The following LPP variants were observed in gnomAD, a reference collection of about 807,000 sequenced individuals.
LPP encodes the protein LIM domain containing preferred translocation partner in lipoma.
Under a neutral mutation model 60.4 loss-of-function variants are expected in LPP, and 38 were observed. The observed-to-expected ratio is 0.63, with a 90% CI of 0.49 to 0.83. LPP has a LOEUF of 0.83. Ranked by LOEUF, LPP falls within the 40% of genes least tolerant of loss-of-function variation. LPP has a pLI of 0.00. For synonymous variants in LPP, 328 were observed against 290.8 expected, an observed-to-expected ratio of 1.13 and a Z score of -1.30; for missense variants, 902 against 783.6, an observed-to-expected ratio of 1.15 and a Z score of -1.80.
At chr3:188,215,171 T>C (rs1713036396) in intron 1 of LPP, among the ~76,000 whole-genome samples, 1 of 152,056 alleles carries the variant, frequency 6.6e-6, no homozygotes, top group African/African-American at 2.4e-5. Flanking sequence ...CTGGGCCTGG[T>C]TGCATGCACC....
intron 9 of LPP, among the ~76,000 whole-genome samples, chr3:188,781,689 C>G (rs1739739997): frequency 6.6e-6 from 1 of 151,610 alleles, no homozygotes; most frequent in Non-Finnish European, 1.5e-5. Flanking sequence ...CGAGATCATC[C>G]TGGCTAACAC....
chr3:188,212,810 G>C (rs910837341), intron 1 of LPP: 1 of 152,444 alleles, frequency 6.6e-6, no homozygotes, highest in African/African-American at 2.4e-5. Context: ...AGGGCCAGCT[G>C]CCTGTGGGGG....
intron 2 of LPP, among the ~76,000 whole-genome samples, chr3:188,315,301 A>G (rs1042892027): frequency 6.6e-6 from 1 of 152,234 alleles, no homozygotes; most frequent in African/African-American, 2.4e-5. Flanking sequence ...CTTTCTGGCT[A>G]AAGCATCAGA....
At chr3:188,477,143 C>A (rs1803449337) in intron 4 of LPP, among the ~76,000 whole-genome samples, 1 of 152,208 alleles carries the variant, frequency 6.6e-6, no homozygotes, top group Non-Finnish European at 1.5e-5. Context: ...ACCACTGTAT[C>A]TTGGAAGTCA....
chr3:188,409,014 T>C (rs1784314278), intron 4 of LPP, among the ~76,000 whole-genome samples: 1 of 152,214 alleles, frequency 6.6e-6, no homozygotes, highest in Non-Finnish European at 1.5e-5. Context: ...ATGTTCCTCA[T>C]AGCTCATATT....
intron 9 of LPP, among the ~76,000 whole-genome samples, chr3:188,851,374 C>T (rs375251140): frequency 1.8e-4 from 27 of 152,274 alleles, no homozygotes; most frequent in African/African-American, 6.5e-4. Flanking sequence ...ATACTACATG[C>T]TTTTGAAGAA....
At chr3:188,224,410 C>T (rs1577376825) in intron 1 of LPP, among the ~76,000 whole-genome samples, 2 of 152,190 alleles carry the variant, frequency 1.3e-5, no homozygotes, top group African/African-American at 4.8e-5. Flanking sequence ...TTATAACAGC[C>T]CTTGCCTTGG....
intron 5 of LPP, among the ~76,000 whole-genome samples, chr3:188,511,230 T>TCCTCCCTC (rs1815494676): frequency 1.2e-5 from 1 of 85,358 alleles, no homozygotes; most frequent in Non-Finnish European, 2.3e-5. Flanking sequence ...CTTCCTCCCT[T>TCCTCCCTC]CCTCCCTCCC....
intron 7 of LPP, among the ~76,000 whole-genome samples, chr3:188,632,210 GA>G (rs1847959152): frequency 6.6e-6 from 1 of 152,058 alleles, no homozygotes; most frequent in African/African-American, 2.4e-5. Context: ...CCATGTTGAA[GA>G]ATAAGATACA....
chr3:188,875,339 A>G lies in LPP; in HGVS notation c.*860A>G, dbSNP rs1769127262. 9.1e-6 allele frequency: 2 copies of G among 219,534 alleles called. No individual in the cohort carries two copies. The highest frequency in any genetic ancestry group is 1.4e-4 in the East Asian group (2 of 14,788). The allele number at this position is 219,534 out of a possible 1,614,324, so 13.6% of individuals were successfully genotyped here. A position where few individuals can be genotyped will look rare whatever the true frequency, so the allele number is the denominator to read the frequency against. On this transcript the variant is annotated 3_prime_UTR_variant, in exon 12 of 12. Transcript: ENST00000617246. ...AGACAAACTTGATTTCTTCTAGAAG[A>G]TAACATTTTCAATACTGTCCCACTT...
Position 188,708,306 on chromosome 3 carries a change from C to T in LPP, c.1153C>T (p.Pro385Ser), listed in dbSNP as rs761543275. Residue 385 changes from proline to serine, a missense_variant, in exon 8 of 12, where the codon CCT becomes TCT. By Grantham distance (74) the Pro-to-Ser change is moderately conservative (BLOSUM62 -1). Coordinates refer to ENST00000617246, the MANE Select transcript of LPP (RefSeq NM_001375462.1). ...GCAACTGGGGCCTTCGTCAGTTGCC[C>T]CTTCATTCCGCCCAGAGGATGAGCT... The part of the protein sequence containing the change: ...SGQLGPSSVA[P>S]SFRPEDELEH... The T allele has an allele frequency of 6.2e-7, 1 of 1,614,010 alleles. No homozygotes were observed. Among genetic ancestry groups the T allele is most frequent in the African/African-American group, 1.3e-5 (1 of 74,922 alleles).
At chr3:188,277,809 C>T (rs753458828) in intron 2 of LPP, among the ~76,000 whole-genome samples, 2 of 152,172 alleles carry the variant, frequency 1.3e-5, no homozygotes, top group Non-Finnish European at 2.9e-5. Flanking sequence ...ATTGACCACA[C>T]GGTTGATCAT....
At chr3:188,520,640 A>G (rs745318737) in intron 5 of LPP, among the ~76,000 whole-genome samples, 18 of 152,190 alleles carry the variant, frequency 1.2e-4, no homozygotes, top group Non-Finnish European at 2.1e-4. Flanking sequence ...CTCAGAATTG[A>G]TTCCCAAAAT....
intron 4 of LPP, among the ~76,000 whole-genome samples, chr3:188,470,302 A>G (rs1385342779): frequency 6.8e-6 from 1 of 147,110 alleles, no homozygotes; most frequent in Non-Finnish European, 1.5e-5. Context: ...ACACACACAC[A>G]CACACACACA....
chr3:188,686,388 C>G (rs1157124120), intron 7 of LPP, among the ~76,000 whole-genome samples: 1 of 152,174 alleles, frequency 6.6e-6, no homozygotes, highest in East Asian at 1.9e-4. Context: ...GTCCCCACAG[C>G]TTCTCTTGCA....
chr3:188,643,755 G>A (rs141674723), intron 7 of LPP, among the ~76,000 whole-genome samples: 96 of 152,224 alleles, frequency 6.3e-4, no homozygotes, highest in African/African-American at 2.0e-3. Context: ...TTTCAGTAGC[G>A]TCTATGTGCT....
chr3:188,328,233 A>G (rs924118259), intron 2 of LPP, among the ~76,000 whole-genome samples: 2 of 152,180 alleles, frequency 1.3e-5, no homozygotes, highest in Non-Finnish European at 2.9e-5. Flanking sequence ...ACCCTATTAT[A>G]TTAAAATCCA....
Position 188,715,412 on chromosome 3 carries a change from A to G in LPP, c.1240+7019A>G, listed in dbSNP as rs143669182. Among the ~76,000 whole-genome samples, 168 of 145,376 alleles carry G rather than the reference A, an allele frequency of 1.2e-3. 1 individual carries two copies. The highest frequency in any genetic ancestry group is 4.0e-3 in the African/African-American group (162 of 40,092). On this transcript the variant is annotated intron_variant, in intron 8 of 11. Transcript: ENST00000617246. ...AAAAAAAAAAAAAAAAAAAAGGAACATGGGGCGATGAAGTAGCTGTAAATT... is the reference window on the plus strand; with the variant it reads ...AAAAAAAAAAAAAAAAAAAAGGAACGTGGGGCGATGAAGTAGCTGTAAATT...
intron 2 of LPP, among the ~76,000 whole-genome samples, chr3:188,315,855 G>A (rs1190133491): frequency 6.6e-6 from 1 of 152,178 alleles, no homozygotes; most frequent in Non-Finnish European, 1.5e-5. Context: ...CTACTAATGT[G>A]TAGGAATAAG....
Sources: gnomAD v4.1 joint callset for allele counts (sites outside exome capture counted in the v4.1 genomes callset) on GRCh38, gnomAD v4.1.1 for gene constraint, MANE v1.5 for transcripts, NCBI Gene and HGNC (gene_info 2026-07-23, HGNC 2026-07-21) for gene names.